PPFIA1: variants seen among roughly 807,000 people sequenced by gnomAD.
The protein encoded by PPFIA1 is liprin-alpha-1.
A neutral mutation model predicts 149.9 loss-of-function variants in PPFIA1; 25 were observed. The ratio of observed to expected loss-of-function variants is 0.17; its 90% CI spans 0.12 to 0.23. The LOEUF (loss-of-function observed/expected upper bound fraction) is 0.23, where lower values mean the gene tolerates loss of function less well. Among genes scored for constraint, PPFIA1 ranks in the 10% least tolerant of loss-of-function variants. The pLI is 1.00. For missense variants in PPFIA1, 1,362 were observed against 1,506.5 expected, an observed-to-expected ratio of 0.90 and a Z score of 1.59; for synonymous variants, 549 against 552.8, an observed-to-expected ratio of 0.99 and a Z score of 0.10.
Position 70,343,869 on chromosome 11 carries a change from G to A in PPFIA1, c.1908G>A (p.Leu636=). 6.2e-7 allele frequency: 1 copy of A among 1,613,846 alleles called. No individual in the cohort carries two copies. Among genetic ancestry groups the A allele is most frequent in the Non-Finnish European group, 8.5e-7 (1 of 1,179,976 alleles). ...HTLAMMLQEQ[L]DAINKEIRLI... ...TAGCCATGATGCTTCAGGAGCAGCT[G>A]GACGCCATCAACAAAGAGATCAGGT... The change falls in exon 15 of 28, where the codon CTG becomes CTA. Residue 636 remains leucine (L), a synonymous_variant. Coordinates refer to ENST00000253925, the MANE Select transcript of PPFIA1 (RefSeq NM_003626.5).
intron 2 of PPFIA1, among the ~76,000 whole-genome samples, chr11:70,302,249 G>A (rs2052534261): frequency 6.6e-6 from 1 of 152,322 alleles, no homozygotes; most frequent in African/African-American, 2.4e-5. Flanking sequence ...GATTGGAGGA[G>A]GGAGCAGCCA....
chr11:70,311,643 A>T (rs1417328351), intron 2 of PPFIA1, among the ~76,000 whole-genome samples: 2 of 152,106 alleles, frequency 1.3e-5, no homozygotes, highest in Non-Finnish European at 2.9e-5. Flanking sequence ...GCTGGTGGCG[A>T]TACTGCCTTT....
intron 26 of PPFIA1, among the ~76,000 whole-genome samples, chr11:70,379,190 G>A (rs1008300948): frequency 3.3e-5 from 5 of 152,094 alleles, no homozygotes; most frequent in African/African-American, 9.7e-5. Flanking sequence ...TGAGGCCAGT[G>A]AGCAGACTGG....
chr11:70,294,891 G>T (rs55658001), intron 2 of PPFIA1, among the ~76,000 whole-genome samples: 32,442 of 150,498 alleles, frequency 0.22, 5,359 homozygotes, highest in African/African-American at 0.46. Context: ...AGATCAACAG[G>T]ATCCCAAGGC....
rs145000395 is a variant in PPFIA1, at chr11:70,345,386, G to A, written c.1931+1494G>A. 7.4e-3 allele frequency among the ~76,000 whole-genome samples: 1,126 copies of A among 151,862 alleles called. 11 individuals carry two copies. The highest frequency in any genetic ancestry group is 7.8e-3 in the Non-Finnish European group (528 of 67,924). On this transcript the variant is annotated intron_variant, in intron 15 of 27. Coordinates refer to ENST00000253925, the MANE Select transcript of PPFIA1 (RefSeq NM_003626.5). ...AGGGAGTCAGTATAGTGAGGGTGAC[G>A]TCTGAGCAGGGGCGTGAAGGAGGAA...
chr11:70,294,677 T>A (rs2051776379), intron 2 of PPFIA1, among the ~76,000 whole-genome samples: 1 of 151,714 alleles, frequency 6.6e-6, no homozygotes, highest in Non-Finnish European at 1.5e-5. Flanking sequence ...GGTCTCTGGT[T>A]TTCCTAGGCA....
In PPFIA1 at chr11:70,331,989, G is replaced by A. The variant is rs756776453; in HGVS notation, c.1107G>A (p.Glu369=). The part of the protein sequence containing the change: ...QTEDKNRQLQ[E]RLELAEQKLQ... ...AAGATAAAAACCGCCAGTTACAGGAGCGCTTGGAATTGGCAGAGCAAAAGC... is the reference window on the plus strand; with the variant it reads ...AAGATAAAAACCGCCAGTTACAGGAACGCTTGGAATTGGCAGAGCAAAAGC... Residue 369 remains glutamate (E), a synonymous_variant, in exon 9 of 28, where the codon GAG becomes GAA. Transcript: ENST00000253925. 28 of 1,612,376 alleles carry A rather than the reference G, an allele frequency of 1.7e-5. No homozygotes were observed. The highest frequency in any genetic ancestry group is 2.2e-5 in the South Asian group (2 of 90,812).
chr11:70,354,015 C>T (rs759383739), intron 16 of PPFIA1, among the ~76,000 whole-genome samples: 10 of 152,090 alleles, frequency 6.6e-5, no homozygotes, highest in African/African-American at 1.2e-4. Context: ...CCTAGGATTC[C>T]GGGGAGGGCA....
At chr11:70,354,077 T>C in intron 16 of PPFIA1, 1 of 493,968 alleles carries the variant, frequency 2.0e-6, no homozygotes, top group Non-Finnish European at 3.6e-6. Flanking sequence ...ACCTGTGTCC[T>C]GTTGGGCCCC....
chr11:70,357,588 T>A (rs1203158704), intron 19 of PPFIA1, among the ~76,000 whole-genome samples: 2 of 96,028 alleles, frequency 2.1e-5, no homozygotes. Context: ...TGTGTAAGAA[T>A]TTTTTTTTTT....
chr11:70,354,157 G>A (rs1439307522), intron 16 of PPFIA1, 144 bp from the exon 17 acceptor site: 7 of 857,930 alleles, frequency 8.2e-6, no homozygotes, highest in Non-Finnish European at 1.2e-5. Flanking sequence ...TGGCCCTTCA[G>A]AATGGTGCCA....
Position 70,378,045 on chromosome 11 carries a change from T to C in PPFIA1, c.3400T>C (p.Phe1134Leu). The C allele has an allele frequency of 1.2e-6, 2 of 1,612,154 alleles. No individual in the cohort carries two copies. The highest frequency in any genetic ancestry group is 1.7e-6 in the Non-Finnish European group (2 of 1,178,824). ...AATTTACCAGGATGATGATAAAAGC[T>C]TTAGGAGAGCACCTTCATGGAGAAA... Reference protein sequence around the residue: ...RRFDEDDDKSFRRAPSWRKKF... With the variant: ...RRFDEDDDKSLRRAPSWRKKF... The change falls in exon 26 of 28, where the codon TTT (phenylalanine) becomes CTT (leucine). Residue 1134 changes from phenylalanine (F) to leucine (L), a missense_variant. Physicochemically the swap from Phe to Leu is conservative, Grantham distance 22. This residue lies in a region of PPFIA1 where 349 missense variants were observed against 373.3 expected (regional missense o/e 0.93). Transcript: ENST00000253925.
chr11:70,334,954 T>C (rs1447499065), intron 10 of PPFIA1, among the ~76,000 whole-genome samples: 1 of 152,230 alleles, frequency 6.6e-6, no homozygotes, highest in East Asian at 1.9e-4. Context: ...TTTTAAACCA[T>C]GAATTTGATT....
chr11:70,353,471 A>G (rs996052863), intron 16 of PPFIA1, among the ~76,000 whole-genome samples: 2 of 152,184 alleles, frequency 1.3e-5, no homozygotes, highest in Non-Finnish European at 2.9e-5. Context: ...ATCCAGTCCC[A>G]CTCAAAACCA....
intron 13 of PPFIA1, among the ~76,000 whole-genome samples, 165 bp from the exon 14 acceptor site, chr11:70,339,006 G>A (rs1263765754): frequency 6.6e-6 from 1 of 152,232 alleles, no homozygotes; most frequent in Non-Finnish European, 1.5e-5. Context: ...CTGTTGGCCT[G>A]GAGCAGGCAA....
chr11:70,339,828 A>T (rs2055204087), intron 14 of PPFIA1, among the ~76,000 whole-genome samples: 7 of 152,156 alleles, frequency 4.6e-5, no homozygotes, highest in Admixed American at 4.6e-4. Flanking sequence ...CAGCCTGGTC[A>T]ACATGGTGAA....
intron 2 of PPFIA1, among the ~76,000 whole-genome samples, chr11:70,309,255 C>T (rs888459518): frequency 1.3e-5 from 2 of 152,100 alleles, no homozygotes; most frequent in African/African-American, 4.8e-5. Flanking sequence ...CCGCAACCTC[C>T]GCCTCTCGGG....
chr11:70,311,389 C>T (rs1346608307), intron 2 of PPFIA1, among the ~76,000 whole-genome samples: 5 of 152,042 alleles, frequency 3.3e-5, no homozygotes, highest in African/African-American at 9.7e-5. Context: ...GTGATGAGGG[C>T]GTGTGTGATC....
At chr11:70,317,156 CA>C (rs902203013) in intron 2 of PPFIA1, among the ~76,000 whole-genome samples, 5 of 152,046 alleles carry the variant, frequency 3.3e-5, no homozygotes, top group African/African-American at 1.2e-4. Context: ...TTAAACTTAA[CA>C]TTTTTTTTTC....
Sources: gnomAD v4.1 joint callset for allele counts (sites outside exome capture counted in the v4.1 genomes callset) on GRCh38, gnomAD v4.1.1 for gene constraint, gnomAD v4.1.1 regional missense constraint, MANE v1.5 for transcripts, NCBI Gene and HGNC (gene_info 2026-07-23, HGNC 2026-07-21) for gene names.